The following CADM2 variants were observed in gnomAD, a reference collection of about 807,000 sequenced individuals.
The protein encoded by CADM2 is immunoglobulin superfamily member 4D.
CADM2 carries 12 observed loss-of-function variants against 49.8 expected under a neutral mutation model. The ratio of observed to expected loss-of-function variants is 0.24; its 90% confidence interval spans 0.15 to 0.39. The LOEUF is 0.39. CADM2 is among the 10% of genes least tolerant of loss of function. CADM2 has a pLI of 1.00. For synonymous variants in CADM2, 214 were observed against 175.4 expected (o/e 1.22, Z -1.74); for missense variants, 378 against 492.3 (o/e 0.77, Z 2.20).
intron 1 of CADM2, among the ~76,000 whole-genome samples, chr3:85,666,980 T>C (rs900741694): frequency 6.6e-6 from 1 of 152,010 alleles, no homozygotes; most frequent in African/African-American, 2.4e-5. Flanking sequence ...CTGCTAATGA[T>C]AGAAAGCAAA....
At chr3:85,238,792 T>C (rs1316574822) in intron 1 of CADM2, among the ~76,000 whole-genome samples, 1 of 151,922 alleles carries the variant, frequency 6.6e-6, no homozygotes, top group African/African-American at 2.4e-5. Context: ...ACAATTTACT[T>C]TGCAGAATTG....
chr3:85,308,249 T>C (rs2044259793), intron 1 of CADM2, among the ~76,000 whole-genome samples: 1 of 151,534 alleles, frequency 6.6e-6, no homozygotes, highest in South Asian at 2.1e-4. Flanking sequence ...TTTCCAAGTA[T>C]ATTTTTAAGA....
chr3:85,036,395 CTT>C (rs1185624640), intron 1 of CADM2, among the ~76,000 whole-genome samples: 2 of 151,850 alleles, frequency 1.3e-5, no homozygotes, highest in Non-Finnish European at 2.9e-5. Context: ...AAAAAAATAA[CTT>C]AACGACTTAA....
At chr3:85,041,539 A>G (rs2035442166) in intron 1 of CADM2, among the ~76,000 whole-genome samples, 1 of 152,140 alleles carries the variant, frequency 6.6e-6, no homozygotes, top group African/African-American at 2.4e-5. Flanking sequence ...TGACTTTTCC[A>G]CCTTTATATG....
chr3:85,520,130 A>T (rs527777602), intron 1 of CADM2, among the ~76,000 whole-genome samples: 1 of 152,052 alleles, frequency 6.6e-6, no homozygotes, highest in Non-Finnish European at 1.5e-5. Context: ...GATTGATTAA[A>T]GGACATTGTT....
At chr3:85,617,652 T>C (rs578162795) in intron 1 of CADM2, among the ~76,000 whole-genome samples, 1 of 152,288 alleles carries the variant, frequency 6.6e-6, no homozygotes, top group East Asian at 1.9e-4. Context: ...GGCGTGGGGC[T>C]GAAAGTCCCA....
chr3:86,041,286 C>G (rs568448762), intron 8 of CADM2, among the ~76,000 whole-genome samples: 1 of 152,106 alleles, frequency 6.6e-6, no homozygotes, highest in Non-Finnish European at 1.5e-5. Flanking sequence ...TACAGACTGG[C>G]AAATTGGATA....
chr3:85,640,157 A>T (rs2064664991), intron 1 of CADM2, among the ~76,000 whole-genome samples: 1 of 152,142 alleles, frequency 6.6e-6, no homozygotes. Context: ...TGTGCATTTC[A>T]TTAGGATAGT....
At chr3:85,394,401 G>C (rs1217873461) in intron 1 of CADM2, among the ~76,000 whole-genome samples, 1 of 151,892 alleles carries the variant, frequency 6.6e-6, no homozygotes, top group Non-Finnish European at 1.5e-5. Context: ...ATATTTCACA[G>C]GTAATATTTT....
intron 3 of CADM2, among the ~76,000 whole-genome samples, chr3:85,822,951 G>T (rs371551536): frequency 1.3e-5 from 2 of 152,100 alleles, no homozygotes; most frequent in African/African-American, 4.8e-5. Context: ...ACTTTTGCTT[G>T]GTCCTTTGAT....
chr3:85,417,101 A>C (rs926584049), intron 1 of CADM2, among the ~76,000 whole-genome samples: 3 of 152,182 alleles, frequency 2.0e-5, no homozygotes, highest in Non-Finnish European at 4.4e-5. Context: ...AGCTTAAAAA[A>C]AACTTTATAA....
rs151310428 is a variant in CADM2, at chr3:85,291,061, A to G, written c.61+331393A>G. ...TTTTAAAAAATTTAGAAGAATGTAT[A>G]ATTAGAATAACCAATACAGAGAAGT... is the stretch of plus-strand genomic sequence containing the variant. On this transcript the variant is annotated intron_variant, in intron 1 of 9. Coordinates refer to ENST00000383699, the MANE Select transcript of CADM2 (RefSeq NM_001167675.2). 1.6e-3 allele frequency among the ~76,000 whole-genome samples: 240 copies of G among 152,310 alleles called. 1 individual carries two copies. The highest frequency in any genetic ancestry group is 5.3e-3 in the African/African-American group (220 of 41,578).
intron 1 of CADM2, among the ~76,000 whole-genome samples, chr3:85,076,064 C>CAA (rs57738865): frequency 7.3e-6 from 1 of 137,608 alleles, no homozygotes; most frequent in Non-Finnish European, 1.6e-5. Context: ...TCTGCAACTT[C>CAA]AAAAAAAAAA....
chr3:85,608,729 CTATCT>C (rs1039318104), intron 1 of CADM2, among the ~76,000 whole-genome samples: 1 of 152,094 alleles, frequency 6.6e-6, no homozygotes, highest in African/African-American at 2.4e-5. Flanking sequence ...AATTGAAGCT[CTATCT>C]TATCACTAAG....
chr3:85,312,657 C>A (rs1380408039), intron 1 of CADM2, among the ~76,000 whole-genome samples: 2 of 152,000 alleles, frequency 1.3e-5, no homozygotes, highest in Non-Finnish European at 2.9e-5. Flanking sequence ...CTATAAAAAT[C>A]TAACAGAAGG....
chr3:85,732,193 G>A (rs1004602955), intron 2 of CADM2, among the ~76,000 whole-genome samples: 5 of 151,474 alleles, frequency 3.3e-5, no homozygotes, highest in African/African-American at 7.3e-5. Context: ...CCTGGGAGGC[G>A]GAGTTTGCAG....
At chr3:85,472,862 AT>A (rs1055630313) in intron 1 of CADM2, among the ~76,000 whole-genome samples, 7 of 152,222 alleles carry the variant, frequency 4.6e-5, no homozygotes, top group African/African-American at 1.7e-4. Context: ...GCTAGGAGTG[AT>A]AGAGTAACTG....
At chr3:85,849,551 A>T (rs954711759) in intron 3 of CADM2, among the ~76,000 whole-genome samples, 1 of 152,204 alleles carries the variant, frequency 6.6e-6, no homozygotes, top group Admixed American at 6.5e-5. Flanking sequence ...CGTGAATGTA[A>T]CACAATTACA....
At chr3:85,876,900 A>G (rs745929492) in intron 3 of CADM2, among the ~76,000 whole-genome samples, 2 of 152,138 alleles carry the variant, frequency 1.3e-5, no homozygotes, top group African/African-American at 2.4e-5. Flanking sequence ...AAATCCTCCA[A>G]TTAGTTGTCT....
Sources: gnomAD v4.1 joint callset for allele counts (sites outside exome capture counted in the v4.1 genomes callset) on GRCh38, gnomAD v4.1.1 for gene constraint, MANE v1.5 for transcripts, NCBI Gene and HGNC (gene_info 2026-07-23, HGNC 2026-07-21) for gene names.